The following KCNH1 variants were observed in gnomAD, a reference collection of about 807,000 sequenced individuals.
The protein encoded by KCNH1 is potassium voltage-gated channel subfamily H member 1.
In KCNH1, 27 loss-of-function variants were observed where a neutral mutation model predicts 69.2. That is an observed-to-expected ratio of 0.39 (90% confidence interval 0.29 to 0.54). The LOEUF (loss-of-function observed/expected upper bound fraction) is 0.54, where lower values mean the gene tolerates loss of function less well. Ranked by LOEUF, KCNH1 falls within the 20% of genes least tolerant of loss-of-function variation. The probability of loss-of-function intolerance (pLI) is 0.68; values close to 1 mark genes in which losing one functional copy is unlikely to be tolerated. For synonymous variants in KCNH1, 456 were observed against 487.7 expected, an observed-to-expected ratio of 0.93 and a Z score of 0.86; for missense variants, 798 against 1,261.6, an observed-to-expected ratio of 0.63 and a Z score of 5.57.
intron 3 of KCNH1, among the ~76,000 whole-genome samples, chr1:211,096,633 A>G (rs1571643837): frequency 6.6e-6 from 1 of 152,320 alleles, no homozygotes; most frequent in Non-Finnish European, 1.5e-5. Flanking sequence ...AAATAAATGG[A>G]GAGTTGAATT....
chr1:210,725,219 C>T (rs1682558804), intron 10 of KCNH1, among the ~76,000 whole-genome samples: 1 of 152,202 alleles, frequency 6.6e-6, no homozygotes, highest in Admixed American at 6.5e-5. Flanking sequence ...AGCTGCACTA[C>T]ACAGACACAT....
intron 6 of KCNH1, among the ~76,000 whole-genome samples, chr1:210,928,987 A>G (rs1687630894): frequency 6.6e-6 from 1 of 152,212 alleles, no homozygotes; most frequent in Non-Finnish European, 1.5e-5. Flanking sequence ...CCAGGAAGAT[A>G]CAGAATCTCT....
intron 10 of KCNH1, among the ~76,000 whole-genome samples, chr1:210,732,930 C>G (rs575888599): frequency 6.6e-6 from 1 of 152,272 alleles, no homozygotes; most frequent in East Asian, 1.9e-4. Context: ...ACATTCAGAC[C>G]ACAGCAAGGC....
At chr1:211,094,452 G>C in intron 3 of KCNH1, among the ~76,000 whole-genome samples, 1 of 152,208 alleles carries the variant, frequency 6.6e-6, no homozygotes, top group South Asian at 2.1e-4. Flanking sequence ...TCTGATCATG[G>C]ACAGGGAAGT....
intron 10 of KCNH1, among the ~76,000 whole-genome samples, chr1:210,738,551 G>GTTTTTTTTT (rs1682937217): frequency 3.1e-5 from 2 of 65,220 alleles, no homozygotes; most frequent in Non-Finnish European, 6.6e-5. Flanking sequence ...TGGCTTTTTT[G>GTTTTTTTTT]CTTTTTTTTT....
chr1:210,827,754 G>A (rs1685063773), intron 7 of KCNH1, among the ~76,000 whole-genome samples: 1 of 152,158 alleles, frequency 6.6e-6, no homozygotes, highest in Non-Finnish European at 1.5e-5. Context: ...AGAGGGTTCT[G>A]ATTCACAAAC....
intron 6 of KCNH1, among the ~76,000 whole-genome samples, chr1:210,966,284 G>A (rs1688398236): frequency 1.3e-5 from 2 of 152,084 alleles, no homozygotes; most frequent in Non-Finnish European, 2.9e-5. Context: ...AAAAACCCTA[G>A]AAGAAAACAT....
intron 10 of KCNH1, among the ~76,000 whole-genome samples, chr1:210,718,663 C>T (rs986499542): frequency 0.015 from 1,227 of 82,512 alleles, 60 homozygotes; most frequent in African/African-American, 0.075. Context: ...CACACACACA[C>T]ACACACACAC....
intron 10 of KCNH1, among the ~76,000 whole-genome samples, chr1:210,716,167 C>T (rs191569038): frequency 2.3e-4 from 35 of 152,246 alleles, no homozygotes; most frequent in Non-Finnish European, 4.7e-4. Context: ...GGCGTGGCGG[C>T]TCATTCCTGT....
chr1:210,952,729 G>A (rs575865857), intron 6 of KCNH1, among the ~76,000 whole-genome samples: 1 of 152,050 alleles, frequency 6.6e-6, no homozygotes, highest in South Asian at 2.1e-4. Context: ...TGTTCTTACT[G>A]CAAATTAATG....
At chr1:210,764,641 G>A (rs868098139) in intron 10 of KCNH1, among the ~76,000 whole-genome samples, 9 of 152,252 alleles carry the variant, frequency 5.9e-5, no homozygotes, top group Middle Eastern at 3.4e-3. Context: ...TCAAAGAAAT[G>A]CAAACCAAAA....
chr1:210,978,449 T>G (rs1052659530), intron 6 of KCNH1, among the ~76,000 whole-genome samples: 3 of 152,328 alleles, frequency 2.0e-5, no homozygotes, highest in Non-Finnish European at 2.9e-5. Context: ...AGAGGCAGTT[T>G]CGATTGACTG....
rs1366071971 is a variant in KCNH1, at chr1:210,678,508, AGCTCATTTACACTTTTGTTTATTCAT to A, written c.*4747_*4772del. 1.3e-5 allele frequency: 2 copies of A among 152,222 alleles called. No homozygotes were observed. Among genetic ancestry groups the A allele is most frequent in the Non-Finnish European group, 2.9e-5 (2 of 68,048 alleles). 9.4% of individuals were successfully genotyped at this position (152,222 alleles called of 1,614,324 possible). A position where few individuals can be genotyped will look rare whatever the true frequency, so the allele number is the denominator to read the frequency against. On this transcript the variant is annotated 3_prime_UTR_variant, in exon 11 of 11. Coordinates refer to ENST00000271751, the MANE Select transcript of KCNH1 (RefSeq NM_172362.3). Reference sequence around the variant, plus strand: ...CTCAGCTGACCACAAAAATAGTATCAGCTCATTTACACTTTTGTTTATTCATGCTCATTTGGACAAAGTGACAGATG... The same window carrying A: ...CTCAGCTGACCACAAAAATAGTATCAGCTCATTTGGACAAAGTGACAGATG...
At chr1:210,991,472 G>A (rs1475034905) in intron 6 of KCNH1, among the ~76,000 whole-genome samples, 1 of 152,122 alleles carries the variant, frequency 6.6e-6, no homozygotes, top group Non-Finnish European at 1.5e-5. Context: ...GGGAGTGGAG[G>A]AGATGTTGGT....
intron 6 of KCNH1, among the ~76,000 whole-genome samples, chr1:210,947,157 T>G (rs1406575948): frequency 6.6e-6 from 1 of 152,168 alleles, no homozygotes; most frequent in African/African-American, 2.4e-5. Context: ...GATCGACCTC[T>G]AAAGAGACAG....
At chr1:210,710,984 GCCAGCCTCATGCTGTTCA>G (rs1389324056) in intron 10 of KCNH1, among the ~76,000 whole-genome samples, 1 of 152,180 alleles carries the variant, frequency 6.6e-6, no homozygotes, top group East Asian at 1.9e-4. Context: ...GACTCTCAGA[GCCAGCCTCATGCTGTTCA>G]CCTGGCCGCT....
chr1:210,774,023 A>T (rs1574247743), intron 10 of KCNH1, among the ~76,000 whole-genome samples: 1 of 152,126 alleles, frequency 6.6e-6, no homozygotes, highest in East Asian at 1.9e-4. Flanking sequence ...GTGTGCTTGG[A>T]GTACTGTGTG....
At chr1:210,696,180 C>T (rs1681635035) in intron 10 of KCNH1, among the ~76,000 whole-genome samples, 1 of 152,202 alleles carries the variant, frequency 6.6e-6, no homozygotes, top group African/African-American at 2.4e-5. Context: ...GCTACACGTG[C>T]CTCTTCCTCA....
chr1:210,962,843 C>T (rs2102358201), intron 6 of KCNH1, among the ~76,000 whole-genome samples: 1 of 149,748 alleles, frequency 6.7e-6, no homozygotes, highest in Non-Finnish European at 1.5e-5. Context: ...AGACTTTTTA[C>T]ATTTTGTGAT....
Sources: allele counts gnomAD v4.1 joint callset (sites outside exome capture counted in the v4.1 genomes callset), GRCh38; gene constraint gnomAD v4.1.1; transcripts MANE v1.5; gene names NCBI Gene and HGNC (gene_info 2026-07-23, HGNC 2026-07-21).